The following SYN1 variants were observed in gnomAD, a reference collection of about 807,000 sequenced individuals.
SYN1 encodes the protein synapsin-1.
A neutral mutation model predicts 44.6 loss-of-function variants in SYN1; 8 were observed. The ratio of observed to expected loss-of-function variants is 0.18; its 90% CI spans 0.11 to 0.32. SYN1 has a LOEUF of 0.32. Ranked by LOEUF, SYN1 falls within the 10% of genes least tolerant of loss-of-function variation. The probability of loss-of-function intolerance (pLI) is 1.00; values close to 1 mark genes in which losing one functional copy is unlikely to be tolerated. For missense variants in SYN1, 451 were observed against 639.4 expected, an observed-to-expected ratio of 0.71 and a Z score of 3.18; for synonymous variants, 275 against 280.1, an observed-to-expected ratio of 0.98 and a Z score of 0.18.
chrX:47,598,827 AAAAT>A (rs745400536), intron 5 of SYN1, among the ~76,000 whole-genome samples: 4 of 109,537 alleles, frequency 3.7e-5, no homozygotes, highest in African/African-American at 1.3e-4. Flanking sequence ...ACTTTGTCTC[AAAAT>A]AAATAAATAA....
At chrX:47,605,564 G>A (rs1288463051) in intron 3 of SYN1, among the ~76,000 whole-genome samples, 185 bp from the exon 4 acceptor site, 1 of 111,873 alleles carries the variant, frequency 8.9e-6, no homozygotes, top group Non-Finnish European at 1.9e-5. Flanking sequence ...CCCACCTGGT[G>A]ATCCCCTTTA....
intron 5 of SYN1, among the ~76,000 whole-genome samples, chrX:47,580,782 A>C: frequency 9.1e-6 from 1 of 109,817 alleles, no homozygotes; most frequent in East Asian, 2.9e-4. Flanking sequence ...AAACTACAAA[A>C]ATTAGCTGGG....
rs761532697 is a variant in SYN1 at position 47,583,571 on chromosome X, C to T, written c.775-6070G>A. On this transcript the variant is annotated intron_variant, in intron 5 of 12. Coordinates refer to ENST00000295987, the MANE Select transcript of SYN1 (RefSeq NM_006950.3). ...CACCCCACTCAGCCCACACACTCTG[C>T]CTTGGTTTCCCTTTCAGTCCAGTGG... 123 of 1,154,095 alleles carry T rather than the reference C, an allele frequency of 1.1e-4. No homozygotes were observed. In the South Asian group the frequency reaches 2.5e-3, roughly 23 times the overall value.
At chrX:47,580,964 T>A (rs2057796257) in intron 5 of SYN1, among the ~76,000 whole-genome samples, 2 of 111,340 alleles carry the variant, frequency 1.8e-5, no homozygotes, top group Non-Finnish European at 3.8e-5. Flanking sequence ...AGGGTACAGC[T>A]GCAGTTTTGT....
chrX:47,581,855 T>C, intron 5 of SYN1, among the ~76,000 whole-genome samples: 1 of 111,640 alleles, frequency 9.0e-6, no homozygotes, highest in Middle Eastern at 4.6e-3. Context: ...TGCCATGTAT[T>C]GACTCTGTGA....
At chrX:47,610,854 T>C (rs1176044879) in intron 1 of SYN1, among the ~76,000 whole-genome samples, 3 of 111,579 alleles carry the variant, frequency 2.7e-5, no homozygotes, top group African/African-American at 6.5e-5. Context: ...TTGGAGTAGA[T>C]ATACTACTGA....
At chrX:47,609,137 G>T (rs2057909836) in intron 1 of SYN1, among the ~76,000 whole-genome samples, 1 of 111,163 alleles carries the variant, frequency 9.0e-6, no homozygotes, top group Admixed American at 9.6e-5. Context: ...TGATGAGGGT[G>T]TATCACTGTT....
chrX:47,579,849 G>GCCCCCCCCCCCCCCCCCCCCCC (rs140381513), intron 5 of SYN1, among the ~76,000 whole-genome samples: 14 of 83,158 alleles, frequency 1.7e-4, no homozygotes, highest in Non-Finnish European at 2.3e-4. Flanking sequence ...TGTTTTTGTC[G>GCCCCCCCCCCCCCCCCCCCCCC]CCCCCCCACC....
intron 1 of SYN1, among the ~76,000 whole-genome samples, chrX:47,618,943 G>A (rs1380416551): frequency 1.8e-5 from 2 of 111,190 alleles, no homozygotes; most frequent in Admixed American, 9.5e-5. Flanking sequence ...AAGGCCTTGG[G>A]GAAGGGCTCT....
Position 47,574,715 on chromosome X carries a change from G to C in SYN1, c.1366C>G (p.Pro456Ala). 1.7e-6 allele frequency: 2 copies of C among 1,185,835 alleles called. No homozygotes were observed. The highest frequency in any genetic ancestry group is 2.3e-6 in the Non-Finnish European group (2 of 882,934). Residue 456 changes from proline (P) to alanine (A), a missense_variant, in exon 11 of 13, where the codon CCG becomes GCG. Coordinates refer to ENST00000295987, the MANE Select transcript of SYN1 (RefSeq NM_006950.3). ...TGTGGTGGGGGTCGCTGCTGAGCCG[G>C]GGGCCCTGCGGGCTGCTGGGAGGTC... Reference protein sequence around the residue: ...RQTSQQPAGPPAQQRPPPQGG... With the variant: ...RQTSQQPAGPAAQQRPPPQGG...
chrX:47,584,952 C>A, intron 5 of SYN1: 4 of 1,210,994 alleles, frequency 3.3e-6, no homozygotes, highest in Non-Finnish European at 3.4e-6. Context: ...GGGCCAAGTT[C>A]GTGGGGACAC....
intron 5 of SYN1, among the ~76,000 whole-genome samples, chrX:47,601,961 T>C (rs1260665085): frequency 2.7e-5 from 3 of 112,011 alleles, no homozygotes; most frequent in African/African-American, 9.7e-5. Flanking sequence ...ATTCACACAA[T>C]CATGTCAATA....
chrX:47,614,996 G>A (rs1175628603), intron 1 of SYN1, among the ~76,000 whole-genome samples: 2 of 110,389 alleles, frequency 1.8e-5, no homozygotes, highest in African/African-American at 3.3e-5. Flanking sequence ...ATTCCCAAGC[G>A]CTCTCCCCAG....
chrX:47,619,557 C>T lies in SYN1; in HGVS notation c.172G>A (p.Ala58Thr). 1 of 1,180,908 alleles carries T rather than the reference C, an allele frequency of 8.5e-7. No homozygotes were observed. The highest frequency in any genetic ancestry group is 1.1e-6 in the Non-Finnish European group (1 of 881,164). The change falls in exon 1 of 13, where the codon GCC becomes ACC. Residue 58 changes from alanine to threonine, a missense_variant. Transcript: ENST00000295987. ...TATAERSSGVAPAASPAAPSP... is the reference protein window; with the variant it reads ...TATAERSSGVTPAASPAAPSP... ...GGGGCGGCCGGAGAGGCCGCTGGGG[C>T]GACCCCGGAGGACCTCTCGGCAGTG...
rs750029059 is a variant in SYN1, at chrX:47,600,205, T to G, written c.774+4773A>C. Among the ~76,000 whole-genome samples the G allele has an allele frequency of 1.7e-4, 19 of 110,744 alleles. No homozygotes were observed. In the South Asian group the frequency reaches 6.9e-3, roughly 40 times the overall value. ...TAGACAGGGAACCAAAAAGGAAGTT[T>G]TTTTTTTTTTTGGAGACGTGGTCTC... is the stretch of plus-strand genomic sequence containing the variant. On this transcript the variant is annotated intron_variant, in intron 5 of 12. Coordinates refer to ENST00000295987, the MANE Select transcript of SYN1 (RefSeq NM_006950.3).
At chrX:47,593,957 G>A (rs2057856062) in intron 5 of SYN1, among the ~76,000 whole-genome samples, 1 of 112,247 alleles carries the variant, frequency 8.9e-6, no homozygotes, top group Non-Finnish European at 1.9e-5. Context: ...ATTACCAGGC[G>A]TGGTGGCTCA....
chrX:47,579,966 G>A (rs916530756), intron 5 of SYN1, among the ~76,000 whole-genome samples: 1 of 104,893 alleles, frequency 9.5e-6, no homozygotes, highest in African/African-American at 3.5e-5. Context: ...GAGAACATGA[G>A]CTATATCTAA....
At chrX:47,605,098 G>C (rs1407437430) in intron 4 of SYN1, 31 bp from the exon 5 acceptor site, 1 of 1,199,765 alleles carries the variant, frequency 8.3e-7, no homozygotes, top group Non-Finnish European at 1.1e-6. Context: ...GGGTCAGTGA[G>C]TCCTTCACCA....
intron 5 of SYN1, among the ~76,000 whole-genome samples, chrX:47,599,229 A>G (rs751910890): frequency 8.9e-6 from 1 of 112,138 alleles, no homozygotes; most frequent in Admixed American, 9.4e-5. Flanking sequence ...TTACAATAAC[A>G]TAAGTTAATT....
Sources: gnomAD v4.1 joint callset for allele counts (sites outside exome capture counted in the v4.1 genomes callset) on GRCh38, gnomAD v4.1.1 for gene constraint, MANE v1.5 for transcripts, NCBI Gene and HGNC (gene_info 2026-07-23, HGNC 2026-07-21) for gene names.